MEI4: variants seen among roughly 807,000 people sequenced by gnomAD.
The protein encoded by MEI4 is meiosis-specific protein MEI4.
In MEI4, 27 loss-of-function variants were observed where a neutral mutation model predicts 31.4. The ratio of observed to expected loss-of-function variants is 0.86; its 90% CI spans 0.63 to 1.19. MEI4 has a LOEUF of 1.19. Among genes scored for constraint, MEI4 ranks in the 50% most tolerant of loss-of-function variants. The probability of loss-of-function intolerance (pLI) is 0.00; values close to 1 mark genes in which losing one functional copy is unlikely to be tolerated. For missense variants in MEI4, 329 were observed against 398.9 expected (o/e 0.82, Z 1.49); for synonymous variants, 122 against 145.4 (o/e 0.84, Z 1.16).
At chr6:77,817,183 G>T (rs1304077131) in intron 3 of MEI4, among the ~76,000 whole-genome samples, 1 of 152,120 alleles carries the variant, frequency 6.6e-6, no homozygotes, top group East Asian at 1.9e-4. Flanking sequence ...ATTAAGGGCA[G>T]AATTTTTTTC....
intron 4 of MEI4, among the ~76,000 whole-genome samples, chr6:77,835,586 A>G (rs1770201688): frequency 6.6e-6 from 1 of 152,042 alleles, no homozygotes; most frequent in African/African-American, 2.4e-5. Context: ...TCTTTTTAAA[A>G]ATTACCTTGA....
intron 1 of MEI4, among the ~76,000 whole-genome samples, chr6:77,669,307 TTCTC>T (rs1332297822): frequency 1.3e-5 from 2 of 152,200 alleles, no homozygotes; most frequent in Non-Finnish European, 2.9e-5. Flanking sequence ...TAAATATTCT[TTCTC>T]ATACTGAAAA....
intron 4 of MEI4, among the ~76,000 whole-genome samples, chr6:77,865,408 T>C (rs1020360534): frequency 7.2e-5 from 11 of 152,006 alleles, no homozygotes; most frequent in Non-Finnish European, 1.5e-4. Context: ...TCACCGGCAA[T>C]CCCACAGAAA....
chr6:77,845,971 C>T (rs1582208464), intron 4 of MEI4, among the ~76,000 whole-genome samples: 1 of 150,922 alleles, frequency 6.6e-6, no homozygotes, highest in Middle Eastern at 3.5e-3. Context: ...TATAGAGCTC[C>T]AATTATTTAT....
chr6:77,802,030 A>G (rs1325776506), intron 3 of MEI4, among the ~76,000 whole-genome samples: 1 of 151,808 alleles, frequency 6.6e-6, no homozygotes, highest in Non-Finnish European at 1.5e-5. Context: ...ATCCTTGTTA[A>G]CTTTCTGTCT....
At chr6:77,920,229 A>G (rs568483562) in intron 4 of MEI4, among the ~76,000 whole-genome samples, 7 of 151,990 alleles carry the variant, frequency 4.6e-5, no homozygotes, top group Non-Finnish European at 1.0e-4. Context: ...TCCTTGATGA[A>G]CATTGATGCA....
chr6:77,880,649 C>A (rs1771461847), intron 4 of MEI4, among the ~76,000 whole-genome samples: 1 of 152,104 alleles, frequency 6.6e-6, no homozygotes, highest in Non-Finnish European at 1.5e-5. Context: ...AGAACGTACC[C>A]AAGCGTTCTT....
At chr6:77,845,063 T>C (rs1582207394) in intron 4 of MEI4, among the ~76,000 whole-genome samples, 1 of 152,190 alleles carries the variant, frequency 6.6e-6, no homozygotes, top group Non-Finnish European at 1.5e-5. Context: ...AGTCTTTTTT[T>C]CCCCCTAGCT....
At chr6:77,774,479 A>G (rs1768390178) in intron 3 of MEI4, among the ~76,000 whole-genome samples, 2 of 152,102 alleles carry the variant, frequency 1.3e-5, no homozygotes, top group South Asian at 4.1e-4. Context: ...TTGAATCCAT[A>G]GAGATAGAGA....
At chr6:77,757,492 A>C (rs1172645802) in intron 2 of MEI4, among the ~76,000 whole-genome samples, 1 of 152,150 alleles carries the variant, frequency 6.6e-6, no homozygotes, top group Non-Finnish European at 1.5e-5. Context: ...TGGTAGAGGT[A>C]CTCTTTCAAA....
chr6:77,909,672 A>T (rs1387437572), intron 4 of MEI4, among the ~76,000 whole-genome samples: 1 of 152,298 alleles, frequency 6.6e-6, no homozygotes, highest in South Asian at 2.1e-4. Context: ...TATTCCAATC[A>T]ATAGAAAAAG....
intron 1 of MEI4, among the ~76,000 whole-genome samples, chr6:77,684,420 T>C (rs957029812): frequency 3.3e-5 from 5 of 152,048 alleles, no homozygotes; most frequent in Admixed American, 1.3e-4. Flanking sequence ...CCTATTGTGC[T>C]ATTGAATAGT....
intron 2 of MEI4, among the ~76,000 whole-genome samples, chr6:77,757,741 A>G (rs573486452): frequency 2.0e-5 from 3 of 152,376 alleles, no homozygotes; most frequent in African/African-American, 4.8e-5. Flanking sequence ...AAAGAAAAGT[A>G]TAATTTTCTA....
chr6:77,678,859 A>G (rs2127648242), intron 1 of MEI4, among the ~76,000 whole-genome samples: 1 of 152,302 alleles, frequency 6.6e-6, no homozygotes, highest in African/African-American at 2.4e-5. Flanking sequence ...TGGAGGTTGA[A>G]GACATTGATA....
chr6:77,844,143 T>C (rs1770424855), intron 4 of MEI4, among the ~76,000 whole-genome samples: 1 of 152,152 alleles, frequency 6.6e-6, no homozygotes, highest in African/African-American at 2.4e-5. Flanking sequence ...AAGGATCATA[T>C]AGAACAGATG....
intron 4 of MEI4, among the ~76,000 whole-genome samples, chr6:77,921,065 G>T (rs9448256): frequency 6.6e-6 from 1 of 151,826 alleles, no homozygotes; most frequent in Non-Finnish European, 1.5e-5. Context: ...TTGAAGCTCA[G>T]CATTTATTTC....
intron 4 of MEI4, among the ~76,000 whole-genome samples, chr6:77,886,586 G>C (rs532583424): frequency 6.6e-6 from 1 of 151,640 alleles, no homozygotes; most frequent in African/African-American, 2.4e-5. Flanking sequence ...ACCCACAACC[G>C]TGGCTGGCTA....
intron 1 of MEI4, among the ~76,000 whole-genome samples, chr6:77,686,858 A>G (rs1258204050): frequency 7.3e-6 from 1 of 136,528 alleles, no homozygotes; most frequent in African/African-American, 2.6e-5. Flanking sequence ...AGTCTTGAAT[A>G]GGAATGGTCT....
At chr6:77,809,299 A>G (rs1025220769) in intron 3 of MEI4, among the ~76,000 whole-genome samples, 1 of 152,188 alleles carries the variant, frequency 6.6e-6, no homozygotes, top group East Asian at 1.9e-4. Flanking sequence ...TACTTAGTTT[A>G]TTTAAGGAAG....
Sources: allele counts gnomAD v4.1 joint callset (sites outside exome capture counted in the v4.1 genomes callset), GRCh38; gene constraint gnomAD v4.1.1; transcripts MANE v1.5; gene names NCBI Gene and HGNC (gene_info 2026-07-23, HGNC 2026-07-21).